CLCN3: variants seen among roughly 807,000 people sequenced by gnomAD.
The protein encoded by CLCN3 is H(+)/Cl(-) exchange transporter 3.
CLCN3 carries 16 observed loss-of-function variants against 83.4 expected under a neutral mutation model. That is an observed-to-expected ratio of 0.19 (90% CI 0.13 to 0.29). CLCN3 has a LOEUF of 0.29. CLCN3 is among the 10% of genes least tolerant of loss of function. CLCN3 has a pLI of 1.00. For missense variants in CLCN3, 544 were observed against 1,006.0 expected (o/e 0.54, Z 6.21); for synonymous variants, 322 against 346.2 (o/e 0.93, Z 0.78).
intron 2 of CLCN3, among the ~76,000 whole-genome samples, chr4:169,679,013 C>G (rs1731799472): frequency 6.6e-6 from 1 of 151,712 alleles, no homozygotes; most frequent in South Asian, 2.1e-4. Flanking sequence ...CCCCACCTCC[C>G]AGACGGGGCG....
intron 9 of CLCN3, among the ~76,000 whole-genome samples, chr4:169,701,979 C>A (rs1732801021): frequency 6.6e-6 from 1 of 152,056 alleles, no homozygotes; most frequent in African/African-American, 2.4e-5. Flanking sequence ...TGTTGCTTAC[C>A]AGCCAAATGT....
chr4:169,715,044 T>C (rs1733373160), intron 12 of CLCN3, among the ~76,000 whole-genome samples: 1 of 152,144 alleles, frequency 6.6e-6, no homozygotes, highest in Non-Finnish European at 1.5e-5. Flanking sequence ...TTACAAACTA[T>C]TATTTGCTTC....
In CLCN3 at chr4:169,620,995, A is replaced by C. The variant is rs960316993; in HGVS notation, c.-85A>C. On this transcript the variant is annotated 5_prime_UTR_variant, in exon 1 of 13. Coordinates refer to ENST00000513761, the MANE Select transcript of CLCN3 (RefSeq NM_001829.4). ...CGAGGGTAGCTAGGTTCTAGGTTTG[A>C]AACAGATGCAGAATCCAAAGGCAGC... 9.5e-5 allele frequency: 38 copies of C among 398,044 alleles called. No homozygotes were observed. The highest frequency in any genetic ancestry group is 1.7e-4 in the Non-Finnish European group (38 of 226,034). The allele number at this position is 398,044 out of a possible 1,614,324, so 24.7% of individuals were successfully genotyped here. A position where few individuals can be genotyped will look rare whatever the true frequency, so the allele number is the denominator to read the frequency against.
chr4:169,699,650 G>GA (rs1241247481), intron 9 of CLCN3, among the ~76,000 whole-genome samples: 1 of 152,110 alleles, frequency 6.6e-6, no homozygotes, highest in Non-Finnish European at 1.5e-5. Context: ...TTGGGAGGCC[G>GA]AGGCGGGCAG....
At chr4:169,656,980 A>G (rs1177851709) in intron 2 of CLCN3, among the ~76,000 whole-genome samples, 2 of 152,160 alleles carry the variant, frequency 1.3e-5, no homozygotes, top group Non-Finnish European at 2.9e-5. Flanking sequence ...TTCATTATGG[A>G]AGAAATTTTA....
In CLCN3 at chr4:169,706,931, A is replaced by AAT; in HGVS notation, c.1819_1820dup (p.Val608LeufsTer9). ...GTTTTTGAGCTTACTGGAGGCTTGG[A>AAT]ATATATTGTTCCCCTTATGGCTGCA... On this transcript the variant is annotated frameshift_variant, in exon 11 of 13. Transcript: ENST00000513761. LOFTEE classifies it high-confidence loss of function. The AAT allele has an allele frequency of 6.2e-7, 1 of 1,614,076 alleles. No individual in the cohort carries two copies. Among genetic ancestry groups the AAT allele is most frequent in the Non-Finnish European group, 8.5e-7 (1 of 1,179,970 alleles).
At chr4:169,671,299 G>C (rs774634542) in intron 2 of CLCN3, among the ~76,000 whole-genome samples, 2 of 152,172 alleles carry the variant, frequency 1.3e-5, no homozygotes, top group Non-Finnish European at 2.9e-5. Flanking sequence ...CCTTTGCAGG[G>C]ACATGGATGA....
intron 2 of CLCN3, among the ~76,000 whole-genome samples, chr4:169,647,684 A>C (rs983781978): frequency 4.6e-5 from 7 of 152,216 alleles, no homozygotes; most frequent in Non-Finnish European, 8.8e-5. Context: ...ATATGATATA[A>C]AGGATATAAG....
At chr4:169,697,146 A>C in intron 8 of CLCN3, 43 bp from the exon 9 acceptor site, 1 of 1,363,218 alleles carries the variant, frequency 7.3e-7, no homozygotes, top group Non-Finnish European at 1.0e-6. Context: ...AACATCTTAT[A>C]AAATTATAGC....
intron 2 of CLCN3, among the ~76,000 whole-genome samples, chr4:169,653,776 C>A (rs570786077): frequency 2.6e-5 from 4 of 151,798 alleles, no homozygotes; most frequent in African/African-American, 7.3e-5. Flanking sequence ...TGGAAGCAGG[C>A]GTGTCACATG....
chr4:169,668,616 G>A (rs376128189), intron 2 of CLCN3, among the ~76,000 whole-genome samples: 138 of 152,168 alleles, frequency 9.1e-4, no homozygotes, highest in African/African-American at 3.1e-3. Flanking sequence ...TGGAAGAAAA[G>A]TGATCTTTTT....
intron 2 of CLCN3, chr4:169,643,060 T>C (rs1322974410): frequency 1.3e-5 from 2 of 152,320 alleles, no homozygotes; most frequent in Middle Eastern, 3.4e-3. Context: ...TTTAGAATTA[T>C]AACAGAGCTA....
At chr4:169,675,764 A>T (rs1190318636) in intron 2 of CLCN3, among the ~76,000 whole-genome samples, 1 of 152,212 alleles carries the variant, frequency 6.6e-6, no homozygotes, top group Non-Finnish European at 1.5e-5. Flanking sequence ...GCTGTAGCAT[A>T]TATCATGTAG....
intron 1 of CLCN3, among the ~76,000 whole-genome samples, chr4:169,623,499 C>T (rs1381228628): frequency 6.6e-6 from 1 of 152,196 alleles, no homozygotes; most frequent in Non-Finnish European, 1.5e-5. Context: ...ATATCACCTA[C>T]TTGCCATTTG....
intron 9 of CLCN3, among the ~76,000 whole-genome samples, chr4:169,700,460 G>C (rs1171592613): frequency 6.6e-6 from 1 of 152,070 alleles, no homozygotes; most frequent in East Asian, 1.9e-4. Context: ...ATTTTGCCAT[G>C]TTGGCCAGGC....
At chr4:169,676,513 T>A (rs1228124207) in intron 2 of CLCN3, among the ~76,000 whole-genome samples, 1 of 75,832 alleles carries the variant, frequency 1.3e-5, no homozygotes, top group Admixed American at 1.2e-4. Flanking sequence ...TTTTCTTTTC[T>A]TTTTTTTTTT....
chr4:169,692,366 T>TC, intron 7 of CLCN3, 46 bp downstream of exon 7: 1 of 820,628 alleles, frequency 1.2e-6, no homozygotes, highest in Non-Finnish European at 1.8e-6. Context: ...ATATATTATA[T>TC]AGTATTTATT....
intron 1 of CLCN3, among the ~76,000 whole-genome samples, chr4:169,630,525 C>T (rs534599718): frequency 6.6e-6 from 1 of 152,004 alleles, no homozygotes; most frequent in South Asian, 2.1e-4. Context: ...CTTTTCTTTC[C>T]TTTTTTTATT....
intron 1 of CLCN3, among the ~76,000 whole-genome samples, chr4:169,632,933 T>A (rs893906788): frequency 6.6e-6 from 1 of 152,028 alleles, no homozygotes; most frequent in African/African-American, 2.4e-5. Flanking sequence ...GGAAGCAAAA[T>A]AATTGCACGT....
Sources: allele counts gnomAD v4.1 joint callset (sites outside exome capture counted in the v4.1 genomes callset), GRCh38; gene constraint gnomAD v4.1.1; transcripts MANE v1.5; gene names NCBI Gene and HGNC (gene_info 2026-07-23, HGNC 2026-07-21).